Variants in U2SURP observed in about 807,000 individuals in gnomAD.
U2SURP encodes U2 snRNP associated SURP domain containing, also known as U2 snRNP-associated SURP motif-containing protein.
Under a neutral mutation model 144.9 loss-of-function variants are expected in U2SURP, and 9 were observed. The ratio of observed to expected loss-of-function variants is 0.06; its 90% CI spans 0.04 to 0.11. The LOEUF (loss-of-function observed/expected upper bound fraction) is 0.11, where lower values mean the gene tolerates loss of function less well. Ranked by LOEUF, U2SURP falls within the 10% of genes least tolerant of loss-of-function variation. U2SURP has a pLI of 1.00. For synonymous variants in U2SURP, 408 were observed against 396.8 expected, an observed-to-expected ratio of 1.03 and a Z score of -0.33; for missense variants, 724 against 1,226.7, an observed-to-expected ratio of 0.59 and a Z score of 6.12.
intron 25 of U2SURP, 112 bp from the exon 26 acceptor site, chr3:143,053,564 T>A: frequency 1.2e-6 from 1 of 807,960 alleles, no homozygotes; most frequent in Non-Finnish European, 1.9e-6. Context: ...TATTGTACCT[T>A]AAGTAGTAAT....
chr3:143,018,437 A>C (rs1340130764), intron 6 of U2SURP, among the ~76,000 whole-genome samples: 1 of 152,166 alleles, frequency 6.6e-6, no homozygotes, highest in Non-Finnish European at 1.5e-5. Flanking sequence ...TTGTTTATCC[A>C]TGCATTACTT....
rs10706682 is a variant in U2SURP at position 143,039,599 on chromosome 3, ATTTT to A, written c.2384+657_2384+660del. The stretch of plus-strand genomic sequence containing the variant: ...TTAAAATCATTGCAAAGGGAGTTGA[ATTTT>A]TTTTTTTTTTTTTTTTTAAATGAGT... On this transcript the variant is annotated intron_variant, in intron 23 of 27. Coordinates refer to ENST00000473835, the MANE Select transcript of U2SURP (RefSeq NM_001080415.2). 1.3e-3 allele frequency among the ~76,000 whole-genome samples: 183 copies of A among 136,778 alleles called. 2 individuals are homozygous for A. Among genetic ancestry groups the A allele is most frequent in the Middle Eastern group, 7.4e-3 (2 of 270 alleles). The allele number at this position is 136,778 out of a possible 152,430, so 89.7% of individuals were successfully genotyped here.
chr3:143,024,150 G>T, intron 13 of U2SURP, 132 bp downstream of exon 13: 1 of 782,848 alleles, frequency 1.3e-6, no homozygotes, highest in African/African-American at 1.8e-5. Flanking sequence ...TTTTTGCGGG[G>T]GGATGTGTGA....
At chr3:143,001,703 C>T (rs1372169322) in intron 1 of U2SURP, 30 bp downstream of exon 1, 1 of 1,612,858 alleles carries the variant, frequency 6.2e-7, no homozygotes, top group Non-Finnish European at 8.5e-7. Flanking sequence ...CGTAAGTCAG[C>T]GGATCTACCA....
intron 24 of U2SURP, among the ~76,000 whole-genome samples, chr3:143,046,929 C>T (rs1934504109): frequency 3.1e-5 from 3 of 96,698 alleles, no homozygotes; most frequent in African/African-American, 4.8e-5. Context: ...CCGGACGGGG[C>T]GGCTGGCCGG....
chr3:143,020,394 T>G (rs1936573366), intron 7 of U2SURP, among the ~76,000 whole-genome samples: 1 of 152,176 alleles, frequency 6.6e-6, no homozygotes, highest in African/African-American at 2.4e-5. Flanking sequence ...AAAGTAGGCT[T>G]TGTGTTCCAT....
Position 143,018,464 on chromosome 3 carries a change from G to A in U2SURP, c.570+1489G>A, listed in dbSNP as rs142219651. On this transcript the variant is annotated intron_variant, in intron 6 of 27. Transcript: ENST00000473835. Reference sequence around the variant, plus strand: ...GCATTACTTAGTAGATGGACATTTGGATTGTTTCCACTTTTCTGCTGTTAG... The same window carrying A: ...GCATTACTTAGTAGATGGACATTTGAATTGTTTCCACTTTTCTGCTGTTAG... Among the ~76,000 whole-genome samples the A allele has an allele frequency of 7.9e-4, 120 of 152,062 alleles. No individual in the cohort carries two copies. The Middle Eastern group carries it at 0.01, about 13-fold the overall frequency.
At chr3:143,055,205 C>A (rs889624893) in intron 27 of U2SURP, 86 bp downstream of exon 27, 221 of 1,091,056 alleles carry the variant, frequency 2.0e-4, no homozygotes, top group Middle Eastern at 8.8e-4. Context: ...GGTTGGCATA[C>A]ATTTTTTTTT....
intron 4 of U2SURP, 64 bp downstream of exon 4, chr3:143,014,473 G>C: frequency 9.0e-7 from 1 of 1,106,830 alleles, no homozygotes; most frequent in Non-Finnish European, 1.3e-6. Flanking sequence ...GTTAGTAAGT[G>C]TATTAGAGGA....
Position 143,027,229 on chromosome 3 carries a change from G to A in U2SURP, c.1355G>A (p.Arg452Lys). The A allele has an allele frequency of 2.5e-6, 4 of 1,612,722 alleles. No individual in the cohort carries two copies. Among genetic ancestry groups the A allele is most frequent in the Non-Finnish European group, 3.4e-6 (4 of 1,178,972 alleles). Residue 452 changes from arginine to lysine, a missense_variant, in exon 14 of 28, where the codon AGA becomes AAA. By Grantham distance (26) the Arg-to-Lys change is conservative. Around this residue, in one of 13 missense-constraint regions of U2SURP, gnomAD observed 64 missense variants for 164.1 expected, o/e 0.39. Coordinates refer to ENST00000473835, the MANE Select transcript of U2SURP (RefSeq NM_001080415.2). ...ATGTTTGAAGCTATGATTATGAACA[G>A]AGAAATCAACAATCCTATGTTCAGG... ...GPMFEAMIMNREINNPMFRFL... is the reference protein window; with the variant it reads ...GPMFEAMIMNKEINNPMFRFL...
intron 4 of U2SURP, among the ~76,000 whole-genome samples, chr3:143,015,274 A>T (rs1560179320): frequency 6.6e-6 from 1 of 151,894 alleles, no homozygotes; most frequent in Admixed American, 6.6e-5. Flanking sequence ...TATCTGAACC[A>T]TTTTTTTCTA....
intron 24 of U2SURP, among the ~76,000 whole-genome samples, chr3:143,045,525 ATTAAC>A: frequency 6.6e-6 from 1 of 152,136 alleles, no homozygotes. Flanking sequence ...CTGTTTCCTT[ATTAAC>A]TTAAAGAGAG....
At chr3:143,047,985 C>T (rs1197320003) in intron 24 of U2SURP, among the ~76,000 whole-genome samples, 1 of 152,098 alleles carries the variant, frequency 6.6e-6, no homozygotes, top group Non-Finnish European at 1.5e-5. Context: ...TCTTATTCTA[C>T]TATTGTCCCC....
chr3:143,024,542 A>G (rs1316295305), intron 13 of U2SURP: 1 of 435,330 alleles, frequency 2.3e-6, no homozygotes, highest in Non-Finnish European at 4.5e-6. Flanking sequence ...TTTTCATGGT[A>G]ACAAAGGTAT....
Position 143,030,950 on chromosome 3 carries a change from C to G in U2SURP, c.1611-1834C>G, listed in dbSNP as rs529354190. Among the ~76,000 whole-genome samples, 5 of 152,238 alleles carry G rather than the reference C, an allele frequency of 3.3e-5. No homozygotes were observed. The South Asian group carries it at 1.0e-3, about 32-fold the overall frequency. ...TTTTGCCTATAAAAATCGACATTAA[C>G]AGGAGCTTGGAAGAAGTTAGTCCCT... On this transcript the variant is annotated intron_variant, in intron 16 of 27. Transcript: ENST00000473835.
chr3:143,018,218 C>T (rs1466015028), intron 6 of U2SURP, among the ~76,000 whole-genome samples: 1 of 151,970 alleles, frequency 6.6e-6, no homozygotes, highest in Non-Finnish European at 1.5e-5. Flanking sequence ...CTATTAACTT[C>T]AGTCCCTGAC....
intron 2 of U2SURP, among the ~76,000 whole-genome samples, chr3:143,011,353 A>G (rs1431104983): frequency 6.6e-6 from 1 of 152,174 alleles, no homozygotes; most frequent in Non-Finnish European, 1.5e-5. Context: ...TAATACTACA[A>G]TAAGTATTTT....
At chr3:143,041,300 T>C (rs1934090357) in intron 23 of U2SURP, among the ~76,000 whole-genome samples, 1 of 151,926 alleles carries the variant, frequency 6.6e-6, no homozygotes, top group Admixed American at 6.6e-5. Context: ...AATTCTTGTG[T>C]TTTAAAAAAA....
intron 25 of U2SURP, among the ~76,000 whole-genome samples, chr3:143,052,948 T>TG: frequency 9.7e-6 from 1 of 102,586 alleles, no homozygotes; most frequent in East Asian, 3.1e-4. Flanking sequence ...GCAAATGTGT[T>TG]GGTTTTTTTT....
Sources: gnomAD v4.1 joint callset for allele counts (sites outside exome capture counted in the v4.1 genomes callset) on GRCh38, gnomAD v4.1.1 for gene constraint, gnomAD v4.1.1 regional missense constraint, MANE v1.5 for transcripts, NCBI Gene and HGNC (gene_info 2026-07-23, HGNC 2026-07-21) for gene names.